OMA1: variants seen among roughly 807,000 people sequenced by gnomAD.
The protein encoded by OMA1 is OMA1 zinc metallopeptidase, also known as metalloendopeptidase OMA1, mitochondrial.
A neutral mutation model predicts 30.9 loss-of-function variants in OMA1; 38 were observed. The ratio of observed to expected loss-of-function variants is 1.23; its 90% CI spans 0.95 to 1.61. The LOEUF (loss-of-function observed/expected upper bound fraction) is 1.61, where lower values mean the gene tolerates loss of function less well. Among genes scored for constraint, OMA1 ranks in the 40% most tolerant of loss-of-function variants. The pLI is 0.00. For missense variants in OMA1, 461 were observed against 349.2 expected (o/e 1.32, Z -2.55); for synonymous variants, 173 against 121.9 (o/e 1.42, Z -2.76).
chr1:58,484,209 G>A (rs2100355235), intron 8 of OMA1, among the ~76,000 whole-genome samples: 1 of 152,246 alleles, frequency 6.6e-6, no homozygotes, highest in South Asian at 2.1e-4. Flanking sequence ...CTCCGTTACT[G>A]GGCATTAGAA....
chr1:58,520,490 T>G (rs1372084781), intron 7 of OMA1, among the ~76,000 whole-genome samples: 1 of 152,082 alleles, frequency 6.6e-6, no homozygotes, highest in Non-Finnish European at 1.5e-5. Context: ...TATAAATAAT[T>G]ACAAATAAGA....
chr1:58,502,111 T>C (rs1036991079), intron 8 of OMA1, among the ~76,000 whole-genome samples: 1 of 152,232 alleles, frequency 6.6e-6, no homozygotes, highest in Non-Finnish European at 1.5e-5. Context: ...TAAAAGTTGA[T>C]AAGCTACAGT....
intron 6 of OMA1, among the ~76,000 whole-genome samples, chr1:58,528,867 T>C (rs891723328): frequency 6.6e-5 from 10 of 152,212 alleles, no homozygotes; most frequent in African/African-American, 2.2e-4. Context: ...GAAAAAATAA[T>C]TCAAATAGAA....
intron 8 of OMA1, among the ~76,000 whole-genome samples, chr1:58,498,361 A>C (rs1645840828): frequency 6.6e-6 from 1 of 152,104 alleles, no homozygotes; most frequent in African/African-American, 2.4e-5. Flanking sequence ...GAGAGGTTTA[A>C]ATTTTAAATA....
intron 8 of OMA1, among the ~76,000 whole-genome samples, chr1:58,505,110 G>A (rs531761074): frequency 3.3e-5 from 5 of 152,118 alleles, no homozygotes; most frequent in East Asian, 1.9e-4. Context: ...ATGCCACCAC[G>A]CCCGCCTAAT....
At chr1:58,529,115 C>T (rs1646394712) in intron 6 of OMA1, among the ~76,000 whole-genome samples, 1 of 152,102 alleles carries the variant, frequency 6.6e-6, no homozygotes, top group South Asian at 2.1e-4. Context: ...TAAGGAATAA[C>T]CAATCTTTTA....
In OMA1 at chr1:58,481,014, T is replaced by TG; in HGVS notation, c.1525dup (p.Gln509ProfsTer11). ...TATGTATGTTAATGGTATTTGCTCC[T>TG]GTTTTTGAATAGGAAGAGTATCCAT... On this transcript the variant is annotated frameshift_variant, in exon 9 of 9. Coordinates refer to ENST00000371226, the MANE Select transcript of OMA1 (RefSeq NM_145243.5). LOFTEE classifies it high-confidence loss of function. 1 of 871,782 alleles carries TG rather than the reference T, an allele frequency of 1.1e-6. No individual in the cohort carries two copies. Among genetic ancestry groups the TG allele is most frequent in the Non-Finnish European group, 2.0e-6 (1 of 501,204 alleles). 54.0% of individuals were successfully genotyped at this position (871,782 alleles called of 1,614,324 possible). A position where few individuals can be genotyped will look rare whatever the true frequency, so the allele number is the denominator to read the frequency against.
chr1:58,514,777 A>G (rs1373333897), intron 7 of OMA1, among the ~76,000 whole-genome samples: 1 of 152,218 alleles, frequency 6.6e-6, no homozygotes, highest in Non-Finnish European at 1.5e-5. Context: ...TTTAGAAGCA[A>G]TACTGCAGAA....
At chr1:58,482,331 T>A (rs993659011) in intron 8 of OMA1, among the ~76,000 whole-genome samples, 5 of 152,166 alleles carry the variant, frequency 3.3e-5, no homozygotes, top group African/African-American at 1.2e-4. Context: ...AATCGTCCAA[T>A]AGAATTGGAA....
In OMA1 at chr1:58,480,888, A is replaced by C. The variant is rs921622184; in HGVS notation, c.*77T>G. 1.4e-6 allele frequency: 1 copy of C among 730,700 alleles called. No individual in the cohort carries two copies. The allele number at this position is 730,700 out of a possible 1,614,324, so 45.3% of individuals were successfully genotyped here. On this transcript the variant is annotated 3_prime_UTR_variant, in exon 9 of 9. Transcript: ENST00000371226. ...TATCCTTTTTTTTTTCACTTCAAAC[A>C]TCATTTTTTAAAAAGTAACATAAAA...
At chr1:58,540,559 C>A (rs1052032437) in intron 1 of OMA1, among the ~76,000 whole-genome samples, 2 of 149,862 alleles carry the variant, frequency 1.3e-5, no homozygotes, top group Non-Finnish European at 3.0e-5. Context: ...CTTTAAAAGA[C>A]CTAAACTTTT....
intron 7 of OMA1, among the ~76,000 whole-genome samples, chr1:58,525,945 G>GA (rs1553124571): frequency 1.3e-5 from 2 of 151,994 alleles, no homozygotes; most frequent in South Asian, 2.1e-4. Context: ...GAAGTCTGGT[G>GA]AAAAAAAGGT....
At position 58,492,743 on chromosome 1, in the gene OMA1, A is replaced by G. The variant is rs541937661; in HGVS notation, c.1366-11569T>C. ...AGAAGTTGAATCTCTGAAGAGACCAATAACAGGATCTGAAATTGGGGCAAT... is the reference window on the plus strand; with the variant it reads ...AGAAGTTGAATCTCTGAAGAGACCAGTAACAGGATCTGAAATTGGGGCAAT... On this transcript the variant is annotated intron_variant, in intron 8 of 8. Transcript: ENST00000371226. 5.3e-5 allele frequency among the ~76,000 whole-genome samples: 8 copies of G among 152,314 alleles called. No homozygotes were observed. The South Asian group carries it at 1.7e-3, about 32-fold the overall frequency.
At chr1:58,540,182 A>G (rs1387362638) in intron 1 of OMA1, among the ~76,000 whole-genome samples, 4 of 152,156 alleles carry the variant, frequency 2.6e-5, no homozygotes, top group Non-Finnish European at 4.4e-5. Context: ...CATTAGAGAA[A>G]GATTAGTCTG....
intron 1 of OMA1, chr1:58,542,475 C>T (rs1199665444): frequency 6.6e-6 from 1 of 152,066 alleles, no homozygotes; most frequent in Non-Finnish European, 1.5e-5. Context: ...TTATTAAATA[C>T]TACATACTGT....
intron 7 of OMA1, among the ~76,000 whole-genome samples, chr1:58,506,899 T>C (rs1645998337): frequency 6.6e-6 from 1 of 152,032 alleles, no homozygotes; most frequent in South Asian, 2.1e-4. Context: ...TAAAAGTACA[T>C]TAGTACTTTT....
chr1:58,523,456 T>C (rs1315453060), intron 7 of OMA1, among the ~76,000 whole-genome samples: 1 of 152,200 alleles, frequency 6.6e-6, no homozygotes, highest in African/African-American at 2.4e-5. Flanking sequence ...TAAAGTACCC[T>C]GTTGTACTGA....
chr1:58,504,458 A>C (rs1167804701), intron 8 of OMA1, among the ~76,000 whole-genome samples: 1 of 152,190 alleles, frequency 6.6e-6, no homozygotes, highest in Non-Finnish European at 1.5e-5. Flanking sequence ...ACAACCGAAC[A>C]TAGACTAGTA....
chr1:58,537,015 T>C (rs1646528929), intron 2 of OMA1, among the ~76,000 whole-genome samples: 2 of 152,132 alleles, frequency 1.3e-5, no homozygotes, highest in African/African-American at 4.8e-5. Flanking sequence ...GCTAGTTTAC[T>C]ATAACTACCA....
Sources: allele counts gnomAD v4.1 joint callset (sites outside exome capture counted in the v4.1 genomes callset), GRCh38; gene constraint gnomAD v4.1.1; transcripts MANE v1.5; gene names NCBI Gene and HGNC (gene_info 2026-07-23, HGNC 2026-07-21).